PAWR: variants seen among roughly 807,000 people sequenced by gnomAD.
PAWR encodes the protein PRKC apoptosis WT1 regulator protein.
PAWR carries 23 observed loss-of-function variants against 32.0 expected under a neutral mutation model. That is an observed-to-expected ratio of 0.72 (90% CI 0.52 to 1.02). The LOEUF (loss-of-function observed/expected upper bound fraction) is 1.02, where lower values mean the gene tolerates loss of function less well. Among genes scored for constraint, PAWR ranks in the 50% least tolerant of loss-of-function variants. The pLI, the probability that PAWR is intolerant of heterozygous loss-of-function variation, is 0.00. For synonymous variants in PAWR, 226 were observed against 187.1 expected (o/e 1.21, Z -1.70); for missense variants, 457 against 437.7 (o/e 1.04, Z -0.39).
rs553938686 is a variant in PAWR at position 79,656,718 on chromosome 12, G to A, written c.516+33011C>T. Among the ~76,000 whole-genome samples the A allele has an allele frequency of 9.3e-4, 141 of 152,272 alleles. 1 individual carries two copies. The Middle Eastern group carries it at 0.027, about 29-fold the overall frequency. Reference sequence around the variant, plus strand: ...CAGTTCTGGCCAAGTTGGAATAATTGGGACCAGATTTACCACCATCCCTGA... The same window carrying A: ...CAGTTCTGGCCAAGTTGGAATAATTAGGACCAGATTTACCACCATCCCTGA... On this transcript the variant is annotated intron_variant, in intron 2 of 6. Transcript: ENST00000328827.
intron 2 of PAWR, among the ~76,000 whole-genome samples, chr12:79,677,849 T>C (rs1310675074): frequency 6.6e-6 from 1 of 152,190 alleles, no homozygotes; most frequent in East Asian, 1.9e-4. Context: ...TGCAATAAAC[T>C]GGTTTTATAT....
chr12:79,647,358 C>T (rs979095769), intron 2 of PAWR, among the ~76,000 whole-genome samples: 5 of 151,982 alleles, frequency 3.3e-5, no homozygotes, highest in Admixed American at 2.0e-4. Flanking sequence ...TTATTGTATA[C>T]AAAGTTTAAC....
intron 4 of PAWR, among the ~76,000 whole-genome samples, chr12:79,600,915 A>ACTTGGATGTGATCATGCAC (rs1873937639): frequency 6.6e-6 from 1 of 152,144 alleles, no homozygotes; most frequent in Non-Finnish European, 1.5e-5. Context: ...AGAGTAATCC[A>ACTTGGATGTGATCATGCAC]CTGATCATGC....
At chr12:79,601,122 C>T (rs1332623526) in intron 4 of PAWR, among the ~76,000 whole-genome samples, 1 of 146,968 alleles carries the variant, frequency 6.8e-6, no homozygotes, top group African/African-American at 2.5e-5. Flanking sequence ...ATTTGAGAAA[C>T]AGAAAACTCC....
chr12:79,660,935 T>A (rs1271407477), intron 2 of PAWR, among the ~76,000 whole-genome samples: 1 of 151,742 alleles, frequency 6.6e-6, no homozygotes, highest in Non-Finnish European at 1.5e-5. Flanking sequence ...AATATAAAGA[T>A]TAAGTCCATA....
intron 2 of PAWR, among the ~76,000 whole-genome samples, chr12:79,666,454 G>C (rs1401206341): frequency 6.6e-6 from 1 of 152,166 alleles, no homozygotes; most frequent in Admixed American, 6.5e-5. Flanking sequence ...GAGTCCCCAA[G>C]ACCATTTCAG....
intron 2 of PAWR, among the ~76,000 whole-genome samples, chr12:79,622,200 T>A (rs561755900): frequency 3.2e-4 from 49 of 151,952 alleles, no homozygotes; most frequent in African/African-American, 1.1e-3. Flanking sequence ...ACTGGAATAT[T>A]TGGAGATAGG....
chr12:79,611,634 T>TA (rs1286644941), intron 4 of PAWR, among the ~76,000 whole-genome samples: 2 of 152,004 alleles, frequency 1.3e-5, no homozygotes, highest in African/African-American at 2.4e-5. Context: ...TTTCTCTTTT[T>TA]AGATGGCATT....
At chr12:79,596,179 A>G (rs1873741068) in intron 5 of PAWR, among the ~76,000 whole-genome samples, 1 of 152,188 alleles carries the variant, frequency 6.6e-6, no homozygotes. Flanking sequence ...ACTTGCACTG[A>G]AAGACACTTT....
chr12:79,683,956 GT>G (rs1447700665), intron 2 of PAWR, among the ~76,000 whole-genome samples: 3 of 152,058 alleles, frequency 2.0e-5, no homozygotes, highest in African/African-American at 7.2e-5. Context: ...ATTATTTTAA[GT>G]TAATGGCTTC....
At chr12:79,651,462 G>A (rs1469894663) in intron 2 of PAWR, among the ~76,000 whole-genome samples, 6 of 152,074 alleles carry the variant, frequency 3.9e-5, no homozygotes, top group Admixed American at 1.3e-4. Flanking sequence ...TTCATCTTCC[G>A]TATCTCAGCT....
Position 79,591,241 on chromosome 12 carries a change from T to C in PAWR, c.*1366A>G, listed in dbSNP as rs1873545551. On this transcript the variant is annotated 3_prime_UTR_variant, in exon 7 of 7. Transcript: ENST00000328827. ...AGACTTTTAGAATTCAACATTTGAT[T>C]ATCATTTACTCCACATTTTCCCCCA... The C allele has an allele frequency of 6.6e-6, 1 of 152,198 alleles. No homozygotes were observed. Among genetic ancestry groups the C allele is most frequent in the South Asian group, 2.1e-4 (1 of 4,826 alleles). 9.4% of individuals were successfully genotyped at this position (152,198 alleles called of 1,614,324 possible). A position where few individuals can be genotyped will look rare whatever the true frequency, so the allele number is the denominator to read the frequency against.
rs928369340 is a variant in PAWR, at chr12:79,591,554, A to G, written c.*1053T>C. On this transcript the variant is annotated 3_prime_UTR_variant, in exon 7 of 7. Coordinates refer to ENST00000328827, the MANE Select transcript of PAWR (RefSeq NM_002583.4). ...GAAGAAAAAATCTGTATAATTATTT[A>G]GAAGTAACTCTGTTTTTAAAATTTC... is the stretch of plus-strand genomic sequence containing the variant. The G allele has an allele frequency of 1.3e-5, 2 of 152,196 alleles. No individual in the cohort carries two copies. The highest frequency in any genetic ancestry group is 2.4e-5 in the African/African-American group (1 of 41,478). 9.4% of individuals were successfully genotyped at this position (152,196 alleles called of 1,614,324 possible).
intron 2 of PAWR, among the ~76,000 whole-genome samples, chr12:79,663,943 TC>T (rs536916157): frequency 1.6e-4 from 24 of 152,016 alleles, no homozygotes; most frequent in Non-Finnish European, 2.6e-4. Context: ...CAAAAATAAA[TC>T]CAACTACAAA....
At chr12:79,690,683 T>C (rs872455) in intron 1 of PAWR, 189 bp downstream of exon 1, 34,108 of 150,096 alleles carry the variant, frequency 0.23, 10,250 homozygotes, top group African/African-American at 0.69. Flanking sequence ...ATACTAGGGC[T>C]AGACCCGCCA....
chr12:79,628,623 G>A (rs371503993), intron 2 of PAWR, among the ~76,000 whole-genome samples: 10 of 152,018 alleles, frequency 6.6e-5, no homozygotes, highest in East Asian at 5.8e-4. Context: ...CTGAGCAGCA[G>A]ACCTTCAGTA....
chr12:79,621,023 G>C, intron 3 of PAWR, 53 bp downstream of exon 3: 1 of 1,399,930 alleles, frequency 7.1e-7, no homozygotes, highest in Non-Finnish European at 9.8e-7. Flanking sequence ...AGGCATAATT[G>C]AAAAATTGCC....
intron 2 of PAWR, among the ~76,000 whole-genome samples, chr12:79,640,934 A>C (rs946058915): frequency 5.3e-5 from 8 of 152,190 alleles, no homozygotes; most frequent in African/African-American, 1.7e-4. Context: ...TGAGAGTTTG[A>C]AGTTAAGGGA....
intron 2 of PAWR, chr12:79,667,856 T>C (rs975787895): frequency 3.3e-5 from 5 of 151,868 alleles, no homozygotes; most frequent in Non-Finnish European, 5.9e-5. Context: ...TGTTCACACA[T>C]AGGGTTGATA....
Sources: gnomAD v4.1 joint callset for allele counts (sites outside exome capture counted in the v4.1 genomes callset) on GRCh38, gnomAD v4.1.1 for gene constraint, MANE v1.5 for transcripts, NCBI Gene and HGNC (gene_info 2026-07-23, HGNC 2026-07-21) for gene names.